The following INPP4A variants were observed in gnomAD, a reference collection of about 807,000 sequenced individuals.
The protein encoded by INPP4A is inositol polyphosphate-4-phosphatase, type I, 107kD.
INPP4A carries 33 observed loss-of-function variants against 119.8 expected under a neutral mutation model. That is an observed-to-expected ratio of 0.28 (90% confidence interval 0.21 to 0.37). The LOEUF (loss-of-function observed/expected upper bound fraction) is 0.37, where lower values mean the gene tolerates loss of function less well. INPP4A is among the 10% of genes least tolerant of loss of function. INPP4A has a pLI of 1.00. For missense variants in INPP4A, 956 were observed against 1,289.9 expected (o/e 0.74, Z 3.97); for synonymous variants, 496 against 500.7 (o/e 0.99, Z 0.12).
intron 1 of INPP4A, among the ~76,000 whole-genome samples, chr2:98,460,741 G>A (rs1450809173): frequency 2.0e-5 from 3 of 152,176 alleles, no homozygotes; most frequent in East Asian, 3.9e-4. Context: ...AGTGGGTCCT[G>A]CTGCAGGATG....
At position 98,584,083 on chromosome 2, in the gene INPP4A, C is replaced by T. The variant is rs553703859; in HGVS notation, c.2787-3393C>T. 1.2e-4 allele frequency among the ~76,000 whole-genome samples: 18 copies of T among 152,324 alleles called. No individual in the cohort carries two copies. The South Asian group carries it at 1.7e-3, about 14-fold the overall frequency. On this transcript the variant is annotated intron_variant, in intron 24 of 24. Coordinates refer to ENST00000409851, the MANE Select transcript of INPP4A (RefSeq NM_001134225.2). ...CAGTAGGGAGTCTGAAGTCACCAAA[C>T]GCCAGCTCATGGGTGGTGTAAGCTG...
chr2:98,545,529 A>C (rs1395527608), intron 11 of INPP4A, among the ~76,000 whole-genome samples: 1 of 152,182 alleles, frequency 6.6e-6, no homozygotes, highest in African/African-American at 2.4e-5. Context: ...GCTCTAGCCA[A>C]ACCAGATTCT....
In INPP4A at chr2:98,554,321, C is replaced by T. The variant is rs751786683; in HGVS notation, c.1398C>T (p.Ile466=). The T allele has an allele frequency of 6.2e-6, 10 of 1,612,494 alleles. No individual in the cohort carries two copies. Residue 466 remains isoleucine (I), a synonymous_variant, in exon 15 of 25, where the codon ATC becomes ATT. Coordinates refer to ENST00000409851, the MANE Select transcript of INPP4A (RefSeq NM_001134225.2). The surrounding 1 kb of genome is among the most constrained non-coding windows in gnomAD (Gnocchi z 4.7). ...ACTGCAAGCTCCTGGCCAACTCCAT[C>T]CATGGGCTGAACGCTGCACGGCCTG... is the stretch of plus-strand genomic sequence containing the variant. The part of the protein sequence containing the change: ...VCDCKLLANS[I]HGLNAARPDY...
chr2:98,451,947 A>C (rs1226289507), intron 1 of INPP4A, among the ~76,000 whole-genome samples: 2 of 152,138 alleles, frequency 1.3e-5, no homozygotes, highest in African/African-American at 2.4e-5. Context: ...AGTGACATTT[A>C]TTATCTCAGA....
At chr2:98,458,169 A>G (rs1696486744) in intron 1 of INPP4A, among the ~76,000 whole-genome samples, 1 of 152,014 alleles carries the variant, frequency 6.6e-6, no homozygotes. Context: ...GTGAAACTTC[A>G]TCTTTACTAA....
chr2:98,574,949 G>A (rs945699304), intron 23 of INPP4A, among the ~76,000 whole-genome samples: 1 of 152,072 alleles, frequency 6.6e-6, no homozygotes, highest in African/African-American at 2.4e-5. Flanking sequence ...GTGTAGAGGT[G>A]CAAGGCTCTC....
At chr2:98,511,715 T>C (rs1332943215) in intron 1 of INPP4A, among the ~76,000 whole-genome samples, 6 of 152,140 alleles carry the variant, frequency 3.9e-5, no homozygotes, top group African/African-American at 1.4e-4. Context: ...TAACTTCATT[T>C]GACAGGCGAG....
chr2:98,470,221 G>A (rs1372794449), intron 1 of INPP4A, among the ~76,000 whole-genome samples: 1 of 152,224 alleles, frequency 6.6e-6, no homozygotes, highest in African/African-American at 2.4e-5. Flanking sequence ...CACTCAGAGT[G>A]TTTCCCTGTG....
At chr2:98,469,755 G>A (rs1022863859) in intron 1 of INPP4A, among the ~76,000 whole-genome samples, 1 of 152,086 alleles carries the variant, frequency 6.6e-6, no homozygotes, top group African/African-American at 2.4e-5. Context: ...GGTGAGCTGA[G>A]ATCACGCCAT....
At chr2:98,548,819 T>TC (rs1692956287) in intron 13 of INPP4A, 2 of 770,768 alleles carry the variant, frequency 2.6e-6, no homozygotes, top group East Asian at 5.4e-5. Context: ...ATTGTAGTCA[T>TC]CCCTGTAGTT....
intron 17 of INPP4A, among the ~76,000 whole-genome samples, chr2:98,560,166 C>G (rs1174313478): frequency 6.6e-6 from 1 of 152,126 alleles, no homozygotes; most frequent in Non-Finnish European, 1.5e-5. Context: ...TATTGAGTTT[C>G]CTGGGTATGG....
intron 1 of INPP4A, among the ~76,000 whole-genome samples, chr2:98,492,543 G>C (rs1370977726): frequency 6.6e-6 from 1 of 152,200 alleles, no homozygotes; most frequent in African/African-American, 2.4e-5. Context: ...AATCGATCCT[G>C]CTTTCAGCTG....
rs897635760 is a variant in INPP4A at position 98,566,741 on chromosome 2, G to A, written c.2420+572G>A. Among the ~76,000 whole-genome samples, 5 of 152,138 alleles carry A rather than the reference G, an allele frequency of 3.3e-5. No homozygotes were observed. Among genetic ancestry groups the A allele is most frequent in the African/African-American group, 1.2e-4 (5 of 41,414 alleles). On this transcript the variant is annotated intron_variant, in intron 21 of 24. Coordinates refer to ENST00000409851, the MANE Select transcript of INPP4A (RefSeq NM_001134225.2). This position sits in a 1 kb window ranked among gnomAD's most constrained non-coding sequence, Gnocchi z 4.2. Reference sequence around the variant, plus strand: ...ACTTGCCACACTGCAGAGGGGAGTTGTGTGTGCCTGTGTGTGCACGTGTGC... The same window carrying A: ...ACTTGCCACACTGCAGAGGGGAGTTATGTGTGCCTGTGTGTGCACGTGTGC...
intron 20 of INPP4A, 62 bp downstream of exon 20, chr2:98,565,828 G>A (rs1239898002): frequency 2.1e-5 from 33 of 1,586,854 alleles, no homozygotes; most frequent in Non-Finnish European, 2.5e-5. Context: ...TTTATCTCAG[G>A]GAAGGTACTC....
intron 24 of INPP4A, among the ~76,000 whole-genome samples, chr2:98,582,136 G>C (rs1041028860): frequency 6.6e-6 from 1 of 152,154 alleles, no homozygotes; most frequent in African/African-American, 2.4e-5. Flanking sequence ...AAGAGAATTT[G>C]TATATTTGAT....
In INPP4A at chr2:98,566,056, G is replaced by T. The variant is rs781542509; in HGVS notation, c.2307G>T (p.Leu769=). The T allele has an allele frequency of 4.4e-6, 7 of 1,605,276 alleles. No individual in the cohort carries two copies. The African/African-American group carries it at 8.0e-5, about 18-fold the overall frequency. ...NRDGFNVRVP[L]PGPLFDALPR... Reference sequence around the variant, plus strand: ...ACGGGTTTAACGTGCGGGTCCCTCTGCCGGGCCCGCTGTTTGACGCCTTGC... The same window carrying T: ...ACGGGTTTAACGTGCGGGTCCCTCTTCCGGGCCCGCTGTTTGACGCCTTGC... Residue 769 remains leucine (L), a synonymous_variant, in exon 21 of 25, where the codon CTG becomes CTT. Coordinates refer to ENST00000409851, the MANE Select transcript of INPP4A (RefSeq NM_001134225.2). This position sits in a 1 kb window ranked among gnomAD's most constrained non-coding sequence, Gnocchi z 4.2.
At chr2:98,508,371 G>C (rs765748559) in intron 1 of INPP4A, among the ~76,000 whole-genome samples, 12 of 152,236 alleles carry the variant, frequency 7.9e-5, no homozygotes, top group Non-Finnish European at 1.5e-4. Flanking sequence ...CCATAGAGGA[G>C]CCAGACTGGG....
chr2:98,539,729 T>C, intron 10 of INPP4A, 54 bp downstream of exon 10: 2 of 1,548,818 alleles, frequency 1.3e-6, no homozygotes, highest in Non-Finnish European at 1.7e-6. Flanking sequence ...ATGTGCCCCT[T>C]CCTTTCTGAG....
chr2:98,530,943 A>G (rs112627489), intron 4 of INPP4A, among the ~76,000 whole-genome samples: 16 of 152,378 alleles, frequency 1.1e-4, no homozygotes, highest in Non-Finnish European at 2.4e-4. Flanking sequence ...ATGCTAGGAT[A>G]TCTGTTGTCT....
Sources: gnomAD v4.1 joint callset for allele counts (sites outside exome capture counted in the v4.1 genomes callset) on GRCh38, gnomAD v4.1.1 for gene constraint, Gnocchi (gnomAD v3.1) non-coding constraint, MANE v1.5 for transcripts, NCBI Gene and HGNC (gene_info 2026-07-23, HGNC 2026-07-21) for gene names.